The following ABL2 variants were observed in gnomAD, a reference collection of about 807,000 sequenced individuals.
ABL2 encodes the protein ABL proto-oncogene 2, non-receptor tyrosine kinase.
A neutral mutation model predicts 107.7 loss-of-function variants in ABL2; 49 were observed. That is an observed-to-expected ratio of 0.45 (90% CI 0.36 to 0.58). The LOEUF (loss-of-function observed/expected upper bound fraction) is 0.58. Ranked by LOEUF, ABL2 falls within the 20% of genes least tolerant of loss-of-function variation. ABL2 has a pLI of 0.00. For missense variants in ABL2, 1,245 were observed against 1,457.0 expected, an observed-to-expected ratio of 0.85 and a Z score of 2.37; for synonymous variants, 549 against 548.6, an observed-to-expected ratio of 1.00 and a Z score of -0.01.
chr1:179,143,569 G>A (rs1407984115), intron 1 of ABL2, among the ~76,000 whole-genome samples: 2 of 152,228 alleles, frequency 1.3e-5, no homozygotes, highest in Non-Finnish European at 2.9e-5. Flanking sequence ...TGATTCATGA[G>A]CACAGAAGCC....
chr1:179,153,310 A>G (rs1490021616), intron 1 of ABL2, among the ~76,000 whole-genome samples: 5 of 152,034 alleles, frequency 3.3e-5, no homozygotes, highest in Non-Finnish European at 7.4e-5. Flanking sequence ...CTCCTGTATT[A>G]GTTTCCTGCA....
At chr1:179,183,779 T>C (rs544049603) in intron 1 of ABL2, 3 of 154,190 alleles carry the variant, frequency 1.9e-5, no homozygotes, top group African/African-American at 7.2e-5. Context: ...TTCAGAGTTT[T>C]CTGAGCTTCT....
In ABL2 at chr1:179,107,967, G is replaced by A. The variant is rs1378795951; in HGVS notation, c.3300C>T (p.Leu1100=). The change falls in exon 12 of 12, where the codon CTC becomes CTT. Residue 1100 remains leucine (L), a synonymous_variant. Coordinates refer to ENST00000502732, the MANE Select transcript of ABL2 (RefSeq NM_007314.4). ...GCTGGCTGTTGGGCACAGGTTCCGT[G>A]AGTGCACTGGACAGTAGGTCAGCAC... is the stretch of plus-strand genomic sequence containing the variant. ...LECADLLSSA[L]TEPVPNSQLV... 5.0e-6 allele frequency: 8 copies of A among 1,614,252 alleles called. No homozygotes were observed. The highest frequency in any genetic ancestry group is 4.5e-5 in the East Asian group (2 of 44,888).
At chr1:179,162,615 C>T (rs1435548441) in intron 1 of ABL2, among the ~76,000 whole-genome samples, 6 of 151,976 alleles carry the variant, frequency 3.9e-5, no homozygotes, top group Non-Finnish European at 8.8e-5. Flanking sequence ...ATTTAAAAAA[C>T]CCCAAAAAAT....
chr1:179,147,205 A>AC (rs1658056522), intron 1 of ABL2, among the ~76,000 whole-genome samples: 2 of 150,434 alleles, frequency 1.3e-5, no homozygotes, highest in Admixed American at 6.6e-5. Flanking sequence ...AAAAAAAAAA[A>AC]AAACCAACTG....
At chr1:179,219,888 CAT>C (rs1192473832) in intron 1 of ABL2, among the ~76,000 whole-genome samples, 1 of 152,224 alleles carries the variant, frequency 6.6e-6, no homozygotes, top group Non-Finnish European at 1.5e-5. Flanking sequence ...ACATACAACT[CAT>C]ATAATCTTCA....
chr1:179,174,934 A>G (rs1659963070), intron 1 of ABL2, among the ~76,000 whole-genome samples: 1 of 149,086 alleles, frequency 6.7e-6, no homozygotes, highest in African/African-American at 2.4e-5. Flanking sequence ...AATAATAATA[A>G]TAATAATAAT....
At chr1:179,157,589 T>G (rs970086812) in intron 1 of ABL2, among the ~76,000 whole-genome samples, 24 of 152,126 alleles carry the variant, frequency 1.6e-4, no homozygotes, top group Non-Finnish European at 2.6e-4. Flanking sequence ...TCCCAAGCAT[T>G]TCAAATAAGG....
At chr1:179,138,456 A>G (rs1203658398) in intron 1 of ABL2, among the ~76,000 whole-genome samples, 1 of 152,236 alleles carries the variant, frequency 6.6e-6, no homozygotes, top group Non-Finnish European at 1.5e-5. Flanking sequence ...ATTTGAGTGA[A>G]TACCACATGC....
chr1:179,143,007 T>C, intron 1 of ABL2: 3 of 1,614,194 alleles, frequency 1.9e-6, no homozygotes, highest in Non-Finnish European at 2.5e-6. Flanking sequence ...ATCTCTGCCA[T>C]AACTATTAGG....
intron 10 of ABL2, among the ~76,000 whole-genome samples, 199 bp downstream of exon 10, chr1:179,112,110 C>T (rs1353687427): frequency 2.0e-5 from 3 of 151,838 alleles, no homozygotes; most frequent in Non-Finnish European, 2.9e-5. Flanking sequence ...TAATAATTTA[C>T]AGTCCACTAG....
chr1:179,119,558 GA>G (rs540402752), intron 6 of ABL2, among the ~76,000 whole-genome samples: 3,326 of 121,552 alleles, frequency 0.027, 54 homozygotes, highest in Middle Eastern at 0.053. Context: ...CCAAAAAAAA[GA>G]AAAAAAAAAA....
At chr1:179,184,872 G>A (rs961659833) in intron 1 of ABL2, among the ~76,000 whole-genome samples, 1 of 152,020 alleles carries the variant, frequency 6.6e-6, no homozygotes, top group African/African-American at 2.4e-5. Context: ...GAGTATTATG[G>A]TAAAAGAGTC....
intron 1 of ABL2, among the ~76,000 whole-genome samples, chr1:179,203,241 T>C (rs1661769796): frequency 6.6e-6 from 1 of 152,230 alleles, no homozygotes; most frequent in Non-Finnish European, 1.5e-5. Flanking sequence ...AAACAAAATC[T>C]CTGTGTTTTA....
chr1:179,120,390 T>C (rs1000538811), intron 5 of ABL2, 116 bp from the exon 6 acceptor site: 2 of 520,210 alleles, frequency 3.8e-6, no homozygotes, highest in Non-Finnish European at 6.7e-6. Flanking sequence ...AAACTATCTT[T>C]TGAATATTTT....
At chr1:179,118,132 G>A (rs532014369) in intron 7 of ABL2, among the ~76,000 whole-genome samples, 105 of 150,900 alleles carry the variant, frequency 7.0e-4, no homozygotes, top group Middle Eastern at 6.8e-3. Flanking sequence ...CAGCCTGGGC[G>A]ATGGAGCCAG....
At position 179,121,600 on chromosome 1, in the gene ABL2, A is replaced by G. The variant is rs28914533; in HGVS notation, c.955T>C (p.Leu319=). The G allele has an allele frequency of 4.7e-4, 764 of 1,611,398 alleles. 2 individuals are homozygous for G. In the African/African-American group the frequency reaches 9.2e-3, roughly 19 times the overall value. ...KYSLTVAVKT[L]KEDTMEVEEF... ...TGTAATTCTCAGCAACCCACCTTCA[A>G]TGTTTTCACAGCAACTGTAAGGCTG... is the stretch of plus-strand genomic sequence containing the variant. The change falls in exon 5 of 12, where the codon TTG becomes CTG. Residue 319 remains leucine (L), a synonymous_variant. Transcript: ENST00000502732.
chr1:179,115,282 T>G (rs1654517129), intron 8 of ABL2, among the ~76,000 whole-genome samples: 1 of 152,190 alleles, frequency 6.6e-6, no homozygotes, highest in South Asian at 2.1e-4. Flanking sequence ...TCCTTTACTG[T>G]AATGAGGGAA....
chr1:179,121,041 C>G (rs1655143604), intron 5 of ABL2, among the ~76,000 whole-genome samples: 1 of 152,122 alleles, frequency 6.6e-6, no homozygotes, highest in African/African-American at 2.4e-5. Flanking sequence ...TAAAGAATAG[C>G]CCTTATAAGT....
Sources: gnomAD v4.1 joint callset for allele counts (sites outside exome capture counted in the v4.1 genomes callset) on GRCh38, gnomAD v4.1.1 for gene constraint, MANE v1.5 for transcripts, NCBI Gene and HGNC (gene_info 2026-07-23, HGNC 2026-07-21) for gene names.